The following CREBBP variants were observed in gnomAD, a reference collection of about 807,000 sequenced individuals.
CREBBP encodes the protein CREB binding lysine acetyltransferase, also known as CREB-binding protein.
CREBBP carries 19 observed loss-of-function variants against 265.0 expected under a neutral mutation model. That is an observed-to-expected ratio of 0.07 (90% confidence interval 0.05 to 0.11). CREBBP has a LOEUF of 0.11. Ranked by LOEUF, CREBBP falls within the 10% of genes least tolerant of loss-of-function variation. The probability of loss-of-function intolerance (pLI) is 1.00; values close to 1 mark genes in which losing one functional copy is unlikely to be tolerated. For synonymous variants in CREBBP, 1,457 were observed against 1,223.7 expected (o/e 1.19, Z -3.98); for missense variants, 2,525 against 3,219.0 (o/e 0.78, Z 5.22).
intron 3 of CREBBP, among the ~76,000 whole-genome samples, chr16:3,800,063 A>C (rs1376547072): frequency 1.3e-5 from 2 of 152,212 alleles, no homozygotes; most frequent in Non-Finnish European, 2.9e-5. Context: ...TGTTACGTAA[A>C]GGCAGTAAAG....
chr16:3,767,536 G>T (rs1277818200), intron 16 of CREBBP, 184 bp downstream of exon 16: 3 of 754,340 alleles, frequency 4.0e-6, no homozygotes, highest in African/African-American at 3.5e-5. Flanking sequence ...AGCCCCACAG[G>T]CACAGGGCAG....
At chr16:3,759,313 G>T (rs899316383) in intron 16 of CREBBP, among the ~76,000 whole-genome samples, 4 of 152,098 alleles carry the variant, frequency 2.6e-5, no homozygotes, top group African/African-American at 4.8e-5. Context: ...TTCAGGCTGG[G>T]CATGGTGGCT....
chr16:3,802,297 AATTTTTGT>A (rs1316552830), intron 3 of CREBBP, among the ~76,000 whole-genome samples: 3 of 151,224 alleles, frequency 2.0e-5, no homozygotes, highest in Non-Finnish European at 2.9e-5. Flanking sequence ...ACACCTGACT[AATTTTTGT>A]ATTTTTAGTA....
chr16:3,771,747 G>A (rs1025941221), intron 13 of CREBBP, among the ~76,000 whole-genome samples: 1 of 151,318 alleles, frequency 6.6e-6, no homozygotes, highest in African/African-American at 2.4e-5. Flanking sequence ...TGGGGGCACA[G>A]AGTGGGATGG....
intron 6 of CREBBP, among the ~76,000 whole-genome samples, 189 bp downstream of exon 6, chr16:3,782,495 C>T (rs76132128): frequency 1.0e-3 from 154 of 152,320 alleles, no homozygotes; most frequent in East Asian, 7.3e-3. Context: ...TTTGCAAATG[C>T]TGCTCTTTTT....
chr16:3,815,786 C>T (rs1022472105), intron 2 of CREBBP, among the ~76,000 whole-genome samples: 3 of 151,816 alleles, frequency 2.0e-5, no homozygotes, highest in Non-Finnish European at 4.4e-5. Flanking sequence ...AGCATTTATC[C>T]TTTGTGTTAT....
chr16:3,738,342 G>A (rs71388537), intron 26 of CREBBP, among the ~76,000 whole-genome samples: 2 of 151,514 alleles, frequency 1.3e-5, no homozygotes, highest in African/African-American at 4.8e-5. Flanking sequence ...GAATGAAAAG[G>A]AAGTAAAGGT....
chr16:3,762,541 T>A (rs1206426421), intron 16 of CREBBP, among the ~76,000 whole-genome samples: 2 of 151,908 alleles, frequency 1.3e-5, no homozygotes, highest in Non-Finnish European at 2.9e-5. Context: ...ATCCCATATG[T>A]GCAGAAGTGA....
chr16:3,855,891 C>T (rs965890828), intron 1 of CREBBP, among the ~76,000 whole-genome samples: 17 of 152,162 alleles, frequency 1.1e-4, no homozygotes, highest in African/African-American at 3.4e-4. Context: ...TTGTTTGTTG[C>T]CCTCCAGGCT....
chr16:3,777,288 T>C (rs902440398), intron 11 of CREBBP, among the ~76,000 whole-genome samples: 2 of 151,940 alleles, frequency 1.3e-5, no homozygotes, highest in South Asian at 2.1e-4. Context: ...TGAGCCAAGA[T>C]GGAGCCACTG....
intron 2 of CREBBP, among the ~76,000 whole-genome samples, chr16:3,838,301 A>G (rs1421800608): frequency 2.0e-5 from 3 of 152,216 alleles, no homozygotes; most frequent in African/African-American, 7.2e-5. Context: ...GCAACAGGGT[A>G]CACTATATAG....
chr16:3,804,110 C>A (rs923415878), intron 3 of CREBBP, among the ~76,000 whole-genome samples: 2 of 151,526 alleles, frequency 1.3e-5, no homozygotes, highest in African/African-American at 2.4e-5. Context: ...GACCAACCAA[C>A]CAAAGAAACA....
rs2141200590 is a variant in CREBBP, at chr16:3,770,701, T to C, written c.2749A>G (p.Thr917Ala). 3.1e-6 allele frequency: 5 copies of C among 1,613,950 alleles called. No individual in the cohort carries two copies. Among genetic ancestry groups the C allele is most frequent in the East Asian group, 2.2e-5 (1 of 44,864 alleles). ...TGGGCCTGGGCTGCTGCCTGGACTG[T>C]AGGGGTGCTCTGGGTTTGGGTAGCA... ...PSATQTQSTP[T>A]VQAAAQAQVT... The change falls in exon 14 of 31, where the codon ACA (threonine) becomes GCA (alanine). Residue 917 changes from threonine to alanine, a missense_variant. Thr to Ala is a moderately conservative substitution (Grantham distance 58, BLOSUM62 0). Coordinates refer to ENST00000262367, the MANE Select transcript of CREBBP (RefSeq NM_004380.3).
intron 3 of CREBBP, among the ~76,000 whole-genome samples, chr16:3,807,621 C>T (rs1043041424): frequency 9.2e-5 from 14 of 152,160 alleles, no homozygotes; most frequent in Admixed American, 2.6e-4. Flanking sequence ...GACCTCAGAA[C>T]ATAACTGAAG....
intron 1 of CREBBP, among the ~76,000 whole-genome samples, chr16:3,857,538 C>T (rs2054988508): frequency 6.6e-6 from 1 of 152,202 alleles, no homozygotes; most frequent in Admixed American, 6.5e-5. Context: ...GCTTTCTACA[C>T]ACCAAAGTGT....
At chr16:3,736,325 G>T in intron 27 of CREBBP, 122 bp from the exon 28 acceptor site, 1 of 1,040,034 alleles carries the variant, frequency 9.6e-7, no homozygotes, top group Non-Finnish European at 1.5e-6. Flanking sequence ...ATGCATGTGT[G>T]CCCCCCCACC....
At chr16:3,835,979 C>T (rs2054440796) in intron 2 of CREBBP, among the ~76,000 whole-genome samples, 1 of 152,012 alleles carries the variant, frequency 6.6e-6, no homozygotes, top group Non-Finnish European at 1.5e-5. Flanking sequence ...AACAGAATAC[C>T]ATTTAGCAAT....
chr16:3,782,524 C>A (rs2053295424), intron 6 of CREBBP, among the ~76,000 whole-genome samples, 160 bp downstream of exon 6: 1 of 152,194 alleles, frequency 6.6e-6, no homozygotes. Context: ...GTAACATTTT[C>A]CTTGCATCAG....
intron 2 of CREBBP, among the ~76,000 whole-genome samples, chr16:3,820,264 T>C (rs1368628730): frequency 6.6e-6 from 1 of 152,252 alleles, no homozygotes; most frequent in Non-Finnish European, 1.5e-5. Context: ...TTGTCTGCTA[T>C]CACTCGCTTG....
Sources: allele counts gnomAD v4.1 joint callset (sites outside exome capture counted in the v4.1 genomes callset), GRCh38; gene constraint gnomAD v4.1.1; transcripts MANE v1.5; gene names NCBI Gene and HGNC (gene_info 2026-07-23, HGNC 2026-07-21).